The following STT3B variants were observed in gnomAD, a reference collection of about 807,000 sequenced individuals.
The protein encoded by STT3B is dolichyl-diphosphooligosaccharide--protein glycosyltransferase subunit STT3B.
Under a neutral mutation model 96.8 loss-of-function variants are expected in STT3B, and 29 were observed. The ratio of observed to expected loss-of-function variants is 0.30; its 90% CI spans 0.22 to 0.41. STT3B has a LOEUF of 0.41. STT3B is among the 10% of genes least tolerant of loss of function. The probability of loss-of-function intolerance (pLI) is 1.00; values close to 1 mark genes in which losing one functional copy is unlikely to be tolerated. For missense variants in STT3B, 640 were observed against 1,022.3 expected (o/e 0.63, Z 5.10); for synonymous variants, 367 against 360.0 (o/e 1.02, Z -0.22).
chr3:31,581,599 G>T (rs572568737), intron 3 of STT3B, among the ~76,000 whole-genome samples: 6 of 152,222 alleles, frequency 3.9e-5, no homozygotes, highest in Admixed American at 3.9e-4. Flanking sequence ...TGGTTTGCTA[G>T]TATTTTCCTA....
At chr3:31,593,575 C>G (rs1244266622) in intron 3 of STT3B, among the ~76,000 whole-genome samples, 3 of 151,856 alleles carry the variant, frequency 2.0e-5, no homozygotes, top group African/African-American at 4.8e-5. Flanking sequence ...CTTTGTTTTT[C>G]TCTGTTCTTT....
chr3:31,609,588 T>TTTTTG (rs988901100), intron 5 of STT3B, among the ~76,000 whole-genome samples: 26 of 152,156 alleles, frequency 1.7e-4, no homozygotes, highest in South Asian at 6.2e-4. Flanking sequence ...TTTTTTTGTT[T>TTTTTG]TTTTGTTTTG....
At chr3:31,634,630 G>T (rs1278089906) in intron 15 of STT3B, among the ~76,000 whole-genome samples, 2 of 152,102 alleles carry the variant, frequency 1.3e-5, no homozygotes, top group Non-Finnish European at 2.9e-5. Context: ...CATCCATTCT[G>T]AGAGTTTACC....
chr3:31,540,670 G>A (rs1204423927), intron 1 of STT3B, among the ~76,000 whole-genome samples: 1 of 152,090 alleles, frequency 6.6e-6, no homozygotes, highest in Non-Finnish European at 1.5e-5. Context: ...GATAGATAAT[G>A]TTGTAGCGTA....
intron 1 of STT3B, among the ~76,000 whole-genome samples, chr3:31,545,740 C>A (rs961424183): frequency 6.6e-6 from 1 of 151,830 alleles, no homozygotes. Flanking sequence ...CCAAGCTTGT[C>A]CACCCTGCAG....
chr3:31,552,282 A>T (rs1024224166), intron 1 of STT3B, among the ~76,000 whole-genome samples: 4 of 152,244 alleles, frequency 2.6e-5, no homozygotes, highest in Non-Finnish European at 5.9e-5. Context: ...TAATCAAAAA[A>T]TATTGATTGA....
At chr3:31,623,961 C>A (rs937665928) in intron 11 of STT3B, 100 bp downstream of exon 11, 3 of 1,028,864 alleles carry the variant, frequency 2.9e-6, no homozygotes, top group Non-Finnish European at 4.1e-6. Flanking sequence ...TTGTGAGATT[C>A]TGCATTTGCT....
In STT3B at chr3:31,548,932, T is replaced by C. The variant is rs137896523; in HGVS notation, c.314+15620T>C. ...TGCTTACTACATTCTTTGATACTGA[T>C]ATGCAATACACATTACCATGTTACA... On this transcript the variant is annotated intron_variant, in intron 1 of 15. Coordinates refer to ENST00000295770, the MANE Select transcript of STT3B (RefSeq NM_178862.3). 2.0e-3 allele frequency among the ~76,000 whole-genome samples: 305 copies of C among 152,350 alleles called. 1 individual carries two copies. Among genetic ancestry groups the C allele is most frequent in the African/African-American group, 7.0e-3 (293 of 41,590 alleles).
chr3:31,621,531 AAT>A (rs1699429397), intron 9 of STT3B, among the ~76,000 whole-genome samples: 1 of 152,210 alleles, frequency 6.6e-6, no homozygotes, highest in Admixed American at 6.5e-5. Context: ...TTCAGCCAGA[AAT>A]AGTTAGAGTC....
chr3:31,595,908 T>C (rs1214325878), intron 3 of STT3B, among the ~76,000 whole-genome samples: 1 of 152,222 alleles, frequency 6.6e-6, no homozygotes, highest in African/African-American at 2.4e-5. Flanking sequence ...CAGCCAGAAC[T>C]GCTTTCCTGC....
intron 1 of STT3B, among the ~76,000 whole-genome samples, chr3:31,570,734 G>A (rs1229514994): frequency 6.6e-6 from 1 of 152,108 alleles, no homozygotes; most frequent in Admixed American, 6.6e-5. Context: ...ATGGAACTGG[G>A]CTCAATTCTG....
At chr3:31,555,911 C>T (rs928683252) in intron 1 of STT3B, among the ~76,000 whole-genome samples, 5 of 152,062 alleles carry the variant, frequency 3.3e-5, no homozygotes, top group African/African-American at 1.2e-4. Flanking sequence ...ATTTCAAGTT[C>T]TCTCTTTTAG....
At chr3:31,561,941 G>A (rs770050430) in intron 1 of STT3B, among the ~76,000 whole-genome samples, 11 of 152,132 alleles carry the variant, frequency 7.2e-5, no homozygotes, top group Non-Finnish European at 1.5e-4. Flanking sequence ...AGGGGCTTAA[G>A]ATGTGGTTGT....
intron 3 of STT3B, among the ~76,000 whole-genome samples, chr3:31,591,366 G>A (rs892547149): frequency 5.9e-5 from 9 of 152,056 alleles, no homozygotes; most frequent in South Asian, 2.1e-4. Context: ...CATTGACTGC[G>A]TATGGTTAGA....
intron 1 of STT3B, among the ~76,000 whole-genome samples, chr3:31,556,353 T>C (rs906075598): frequency 6.6e-6 from 1 of 152,228 alleles, no homozygotes; most frequent in African/African-American, 2.4e-5. Flanking sequence ...AATAGTGCTG[T>C]AGTAAACGTG....
intron 5 of STT3B, among the ~76,000 whole-genome samples, chr3:31,600,991 T>A (rs754845241): frequency 6.6e-6 from 1 of 152,190 alleles, no homozygotes; most frequent in Non-Finnish European, 1.5e-5. Flanking sequence ...GAGTTAGAAC[T>A]TCTATGGGTT....
chr3:31,559,600 T>C (rs1466894346), intron 1 of STT3B, among the ~76,000 whole-genome samples: 2 of 152,088 alleles, frequency 1.3e-5, no homozygotes, highest in Admixed American at 6.5e-5. Flanking sequence ...TCGTTAAGAC[T>C]TGTTTTGTGT....
intron 13 of STT3B, 36 bp downstream of exon 13, chr3:31,626,163 AGCT>A (rs1207779079): frequency 1.9e-6 from 3 of 1,562,818 alleles, no homozygotes; most frequent in Non-Finnish European, 2.6e-6. Flanking sequence ...TGTGAAAGAT[AGCT>A]CACTGTGTCC....
chr3:31,585,823 A>C (rs922160873), intron 3 of STT3B, among the ~76,000 whole-genome samples: 1 of 152,018 alleles, frequency 6.6e-6, no homozygotes, highest in Admixed American at 6.6e-5. Flanking sequence ...GTAGTTTGTT[A>C]CTTTTTATTG....
Sources: gnomAD v4.1 joint callset for allele counts (sites outside exome capture counted in the v4.1 genomes callset) on GRCh38, gnomAD v4.1.1 for gene constraint, MANE v1.5 for transcripts, NCBI Gene and HGNC (gene_info 2026-07-23, HGNC 2026-07-21) for gene names.